SCAF11: variants seen among roughly 807,000 people sequenced by gnomAD.
SCAF11 encodes the protein protein SCAF11.
Under a neutral mutation model 140.5 loss-of-function variants are expected in SCAF11, and 47 were observed. The observed-to-expected ratio is 0.33, with a 90% CI of 0.26 to 0.43. The LOEUF is 0.43. Ranked by LOEUF, SCAF11 falls within the 20% of genes least tolerant of loss-of-function variation. The pLI is 1.00. For missense variants in SCAF11, 1,645 were observed against 1,705.1 expected (o/e 0.96, Z 0.62); for synonymous variants, 557 against 579.4 (o/e 0.96, Z 0.55).
At chr12:45,991,608 G>A (rs987829514), upstream of SCAF11, among the ~76,000 whole-genome samples, 1 of 152,156 alleles carries the variant, frequency 6.6e-6, no homozygotes, top group African/African-American at 2.4e-5. Flanking sequence ...AGGCCTCCGC[G>A]TTGTGGTTAG....
At chr12:45,984,050 A>C (rs1346836340) in intron 1 of SCAF11, among the ~76,000 whole-genome samples, 1 of 152,246 alleles carries the variant, frequency 6.6e-6, no homozygotes, top group Middle Eastern at 3.2e-3. Context: ...ACACGTCTGT[A>C]TGCTGCTATT....
chr12:45,943,027 G>A (rs917254659), intron 6 of SCAF11, among the ~76,000 whole-genome samples: 3 of 152,130 alleles, frequency 2.0e-5, no homozygotes, highest in South Asian at 2.1e-4. Flanking sequence ...TACGTATTGA[G>A]TATGAATCTA....
Position 45,990,546 on chromosome 12 carries a change from G to A in SCAF11, c.-215C>T. ...AGCAGGGAGCGACCCAGGTTGCGCT[G>A]CTCCGCGCGGCTTAAGCCACCGCTA... On this transcript the variant is annotated 5_prime_UTR_variant, in exon 1 of 15. Transcript: ENST00000369367. 2 of 1,231,730 alleles carry A rather than the reference G, an allele frequency of 1.6e-6. No homozygotes were observed. Among genetic ancestry groups the A allele is most frequent in the Non-Finnish European group, 2.0e-6 (2 of 988,116 alleles). 76.3% of individuals were successfully genotyped at this position (1,231,730 alleles called of 1,614,324 possible). A position where few individuals can be genotyped will look rare whatever the true frequency, so the allele number is the denominator to read the frequency against.
At chr12:45,943,461 ATAT>A (rs1318355742) in intron 6 of SCAF11, among the ~76,000 whole-genome samples, 2 of 152,234 alleles carry the variant, frequency 1.3e-5, no homozygotes, top group South Asian at 2.1e-4. Context: ...TTATTACAGT[ATAT>A]TATTATAATT....
At chr12:45,923,795 G>A (rs183561575) in intron 12 of SCAF11, among the ~76,000 whole-genome samples, 1 of 152,090 alleles carries the variant, frequency 6.6e-6, no homozygotes, top group African/African-American at 2.4e-5. Flanking sequence ...TGATTCTTGA[G>A]CCTCAGCCTC....
At chr12:45,965,412 A>G (rs1409248410) in intron 1 of SCAF11, among the ~76,000 whole-genome samples, 2 of 152,228 alleles carry the variant, frequency 1.3e-5, no homozygotes, top group Non-Finnish European at 2.9e-5. Context: ...AAAGGTAAAA[A>G]TGAGAAAAGT....
In SCAF11 at chr12:45,927,728, T is replaced by C. The variant is rs757296499; in HGVS notation, c.1973A>G (p.Asn658Ser). 2.2e-5 allele frequency: 36 copies of C among 1,611,692 alleles called. 1 individual carries two copies. In the South Asian group the frequency reaches 3.5e-4, roughly 16 times the overall value. The change falls in exon 11 of 15, where the codon AAT becomes AGT. Residue 658 changes from asparagine (N) to serine (S), a missense_variant. Physicochemically the swap from Asn to Ser is conservative, Grantham distance 46 (BLOSUM62 1). Coordinates refer to ENST00000369367, the MANE Select transcript of SCAF11 (RefSeq NM_004719.3). Reference protein sequence around the residue: ...TCDTFGNEDFNNIQDSENNLL... With the variant: ...TCDTFGNEDFSNIQDSENNLL... ...GTTATTTTCAGAGTCTTGAATATTA[T>C]TGAAATCTTCATTCCCAAAAGTATC...
chr12:45,979,336 G>A (rs762492110), intron 1 of SCAF11, among the ~76,000 whole-genome samples: 4 of 151,768 alleles, frequency 2.6e-5, no homozygotes, highest in African/African-American at 4.8e-5. Context: ...AGTTAAAGGG[G>A]GAGAATTAGT....
chr12:45,924,413 A>G (rs2136496225), intron 12 of SCAF11, among the ~76,000 whole-genome samples: 1 of 152,306 alleles, frequency 6.6e-6, no homozygotes, highest in East Asian at 1.9e-4. Flanking sequence ...GGAAAAATGT[A>G]AAGCACCCAC....
intron 6 of SCAF11, among the ~76,000 whole-genome samples, chr12:45,939,935 C>T (rs187648065): frequency 4.6e-5 from 7 of 152,340 alleles, no homozygotes; most frequent in Admixed American, 3.3e-4. Context: ...ACTAACTCTA[C>T]CTTCGTGACT....
At chr12:45,951,386 TC>T (rs1428207531) in intron 4 of SCAF11, among the ~76,000 whole-genome samples, 2 of 152,132 alleles carry the variant, frequency 1.3e-5, no homozygotes, top group Non-Finnish European at 2.9e-5. Flanking sequence ...AAAACGTCCT[TC>T]AGATTATCAG....
At chr12:45,933,107 G>C (rs766304103) in intron 9 of SCAF11, 24 bp downstream of exon 9, 2 of 1,483,698 alleles carry the variant, frequency 1.3e-6, no homozygotes, top group South Asian at 2.3e-5. Context: ...GTAAACACCT[G>C]AGTAAATAAT....
At position 45,923,136 on chromosome 12, in the gene SCAF11, GAGA is replaced by G; in HGVS notation, c.3922_3924del (p.Ser1308del). The stretch of plus-strand genomic sequence containing the variant: ...GGTGTACTCATGTTATTACTTACAT[GAGA>G]AGAACTAGGAATACCCTGTTTTAAA... On this transcript the variant is annotated inframe_deletion, in exon 13 of 15. Transcript: ENST00000369367. 6.2e-7 allele frequency: 1 copy of G among 1,613,888 alleles called. No individual in the cohort carries two copies. The highest frequency in any genetic ancestry group is 1.3e-5 in the African/African-American group (1 of 75,006).
intron 5 of SCAF11, among the ~76,000 whole-genome samples, chr12:45,946,052 C>T (rs776540469): frequency 6.6e-6 from 1 of 152,058 alleles, no homozygotes; most frequent in African/African-American, 2.4e-5. Flanking sequence ...TATTGAGCCA[C>T]GCAGACTAGA....
chr12:45,972,953 T>TAG (rs1565689188), intron 1 of SCAF11, among the ~76,000 whole-genome samples: 1 of 138,322 alleles, frequency 7.2e-6, no homozygotes. Context: ...TATATATAGA[T>TAG]ATATAGATAT....
At chr12:45,987,526 T>C (rs1361260793) in intron 1 of SCAF11, among the ~76,000 whole-genome samples, 1 of 152,234 alleles carries the variant, frequency 6.6e-6, no homozygotes, top group Non-Finnish European at 1.5e-5. Flanking sequence ...TAAGTTAGAT[T>C]ACACAATATG....
In SCAF11 at chr12:45,928,821, C is replaced by T; in HGVS notation, c.880G>A (p.Glu294Lys). The T allele has an allele frequency of 6.2e-7, 1 of 1,610,782 alleles. No individual in the cohort carries two copies. The highest frequency in any genetic ancestry group is 8.5e-7 in the Non-Finnish European group (1 of 1,179,590). Residue 294 changes from glutamate (E) to lysine (K), a missense_variant, in exon 11 of 15, where the codon GAA becomes AAA. Around this residue, in one of 2 missense-constraint regions of SCAF11, gnomAD observed 1,582 missense variants for 1,609.2 expected, o/e 0.98. Coordinates refer to ENST00000369367, the MANE Select transcript of SCAF11 (RefSeq NM_004719.3). The stretch of plus-strand genomic sequence containing the variant: ...GAAGTTTGCTTCTTTTCTTCCCCTT[C>T]TTGAGTATGTGCTAATGCATATCCC... ...CKGYALAHTQ[E>K]GEEKKQTSGT...
At chr12:45,945,445 G>C (rs1467446224) in intron 5 of SCAF11, 132 bp from the exon 6 acceptor site, 5 of 592,912 alleles carry the variant, frequency 8.4e-6, no homozygotes, top group East Asian at 2.9e-5. Flanking sequence ...CTGAAATCTG[G>C]TAAATGGTTT....
intron 3 of SCAF11, among the ~76,000 whole-genome samples, chr12:45,952,897 G>A (rs1185457262): frequency 6.6e-6 from 1 of 152,184 alleles, no homozygotes; most frequent in African/African-American, 2.4e-5. Context: ...TGTGATCTTT[G>A]CCTTTCTGGG....
Sources: allele counts gnomAD v4.1 joint callset (sites outside exome capture counted in the v4.1 genomes callset), GRCh38; gene constraint gnomAD v4.1.1; regional missense constraint gnomAD v4.1.1; transcripts MANE v1.5; gene names NCBI Gene and HGNC (gene_info 2026-07-23, HGNC 2026-07-21).